Variants in MTFR1 observed in about 807,000 individuals in gnomAD.
MTFR1 encodes chondrocyte protein with a poly-proline region.
MTFR1 carries 28 observed loss-of-function variants against 38.8 expected under a neutral mutation model. The observed-to-expected ratio is 0.72, with a 90% CI of 0.53 to 0.99. MTFR1 has a LOEUF of 0.99. MTFR1 is among the 50% of genes least tolerant of loss of function. MTFR1 has a pLI of 0.00. For synonymous variants in MTFR1, 145 were observed against 137.0 expected, an observed-to-expected ratio of 1.06 and a Z score of -0.41; for missense variants, 358 against 395.5, an observed-to-expected ratio of 0.91 and a Z score of 0.81.
intron 3 of MTFR1, among the ~76,000 whole-genome samples, chr8:65,754,277 T>C (rs993323068): frequency 5.3e-5 from 8 of 152,090 alleles, no homozygotes; most frequent in Non-Finnish European, 4.4e-5. Flanking sequence ...TGCGTCTGCC[T>C]TTCCCAGCCC....
chr8:65,767,051 C>T (rs1468192447), intron 3 of MTFR1, among the ~76,000 whole-genome samples: 1 of 152,134 alleles, frequency 6.6e-6, no homozygotes, highest in African/African-American at 2.4e-5. Flanking sequence ...TGGACCACTA[C>T]ATCCAACTGA....
intron 3 of MTFR1, among the ~76,000 whole-genome samples, chr8:65,765,040 A>G (rs1053586691): frequency 5.3e-5 from 8 of 152,244 alleles, no homozygotes; most frequent in African/African-American, 1.9e-4. Flanking sequence ...AGTCTCTACT[A>G]TGAGCCAGAA....
chr8:65,644,596 C>T (rs112157870), upstream of MTFR1: 1 of 152,384 alleles, frequency 6.6e-6, no homozygotes, highest in East Asian at 1.9e-4. Context: ...TCTCAGCAGC[C>T]GGCTTGCGGA....
At chr8:65,650,438 C>T (rs982263647) in intron 1 of MTFR1, among the ~76,000 whole-genome samples, 1 of 152,122 alleles carries the variant, frequency 6.6e-6, no homozygotes, top group African/African-American at 2.4e-5. Context: ...TCCCAAAGTG[C>T]TGGGATTACA....
intron 3 of MTFR1, among the ~76,000 whole-genome samples, chr8:65,726,634 A>G (rs1359519001): frequency 1.3e-5 from 2 of 152,152 alleles, no homozygotes; most frequent in Admixed American, 1.3e-4. Context: ...ATTTGAGTAA[A>G]TTTTATAGTA....
intron 3 of MTFR1, among the ~76,000 whole-genome samples, chr8:65,761,192 A>T (rs1350682493): frequency 6.6e-6 from 1 of 151,848 alleles, no homozygotes; most frequent in African/African-American, 2.4e-5. Context: ...CAGCCTCCCG[A>T]GTAGCTGGGA....
At chr8:65,768,381 T>C (rs1808906839) in intron 3 of MTFR1, among the ~76,000 whole-genome samples, 1 of 152,110 alleles carries the variant, frequency 6.6e-6, no homozygotes, top group African/African-American at 2.4e-5. Flanking sequence ...AGTTGAATCA[T>C]GGGGGTGCTA....
At chr8:65,693,835 T>G in intron 4 of MTFR1, 76 bp downstream of exon 4, 1 of 1,080,784 alleles carries the variant, frequency 9.3e-7, no homozygotes, top group Non-Finnish European at 1.4e-6. Flanking sequence ...CAGTACTTAT[T>G]TTTAATAGCC....
At chr8:65,682,526 A>G (rs1228431314) in intron 3 of MTFR1, 75 bp downstream of exon 3, 1 of 867,912 alleles carries the variant, frequency 1.2e-6, no homozygotes, top group Non-Finnish European at 1.5e-6. Flanking sequence ...ATGGTTTTAA[A>G]AGCATTTTGT....
chr8:65,737,645 A>T (rs905670868), intron 3 of MTFR1, among the ~76,000 whole-genome samples: 1 of 152,068 alleles, frequency 6.6e-6, no homozygotes, highest in Non-Finnish European at 1.5e-5. Context: ...CAGCCTCCCG[A>T]GTAGGTAGGA....
downstream of MTFR1, among the ~76,000 whole-genome samples, chr8:65,775,658 C>T (rs533312700): frequency 2.0e-5 from 3 of 152,328 alleles, no homozygotes; most frequent in Admixed American, 6.5e-5. Context: ...GACGAAGTCT[C>T]GCTCTGTAGC....
chr8:65,648,754 T>G (rs553561357), intron 1 of MTFR1, among the ~76,000 whole-genome samples: 181 of 152,300 alleles, frequency 1.2e-3, no homozygotes, highest in Non-Finnish European at 1.7e-3. Context: ...TTTCCATGAT[T>G]GAAAAAACAT....
chr8:65,664,416 T>C (rs1748699888), intron 1 of MTFR1, among the ~76,000 whole-genome samples: 1 of 152,176 alleles, frequency 6.6e-6, no homozygotes, highest in African/African-American at 2.4e-5. Flanking sequence ...TAATATATGG[T>C]TGCAAATGTT....
intron 3 of MTFR1, among the ~76,000 whole-genome samples, chr8:65,686,512 G>A (rs1025425599): frequency 1.3e-5 from 2 of 151,626 alleles, no homozygotes; most frequent in Admixed American, 6.6e-5. Context: ...CCTGGGAGGC[G>A]GAGGTTGCAG....
intron 1 of MTFR1, among the ~76,000 whole-genome samples, chr8:65,650,639 T>G (rs897717342): frequency 6.6e-6 from 1 of 152,258 alleles, no homozygotes; most frequent in Admixed American, 6.5e-5. Flanking sequence ...CCCATTCTTT[T>G]TAATGGCTGA....
At chr8:65,768,498 T>C (rs1027167086) in intron 3 of MTFR1, among the ~76,000 whole-genome samples, 1 of 152,200 alleles carries the variant, frequency 6.6e-6, no homozygotes, top group African/African-American at 2.4e-5. Context: ...GATGTGCCTT[T>C]CACCTTCGGC....
At chr8:65,676,363 A>G in intron 2 of MTFR1, among the ~76,000 whole-genome samples, 1 of 151,936 alleles carries the variant, frequency 6.6e-6, no homozygotes, top group East Asian at 1.9e-4. Flanking sequence ...AATATATTTT[A>G]TTTATTTTTG....
chr8:65,682,771 C>T, intron 3 of MTFR1: 1 of 985,170 alleles, frequency 1.0e-6, no homozygotes, highest in Non-Finnish European at 1.2e-6. Flanking sequence ...CTTCATGTAC[C>T]ACCATTATTT....
At chr8:65,680,832 C>G (rs1160610258) in intron 2 of MTFR1, among the ~76,000 whole-genome samples, 1 of 151,628 alleles carries the variant, frequency 6.6e-6, no homozygotes, top group East Asian at 1.9e-4. Flanking sequence ...CTTTGTCACC[C>G]AGGCTGGAGT....
Sources: gnomAD v4.1 joint callset for allele counts (sites outside exome capture counted in the v4.1 genomes callset) on GRCh38, gnomAD v4.1.1 for gene constraint, MANE v1.5 for transcripts, NCBI Gene and HGNC (gene_info 2026-07-23, HGNC 2026-07-21) for gene names.